Variants in TBX1 observed in about 807,000 individuals in gnomAD.
TBX1 encodes T-box transcription factor 1, also known as T-box transcription factor TBX1.
In TBX1, 16 loss-of-function variants were observed where a neutral mutation model predicts 40.8. That is an observed-to-expected ratio of 0.39 (90% CI 0.27 to 0.60). The LOEUF (loss-of-function observed/expected upper bound fraction) is 0.60. Ranked by LOEUF, TBX1 falls within the 20% of genes least tolerant of loss-of-function variation. TBX1 has a pLI of 0.51. For synonymous variants in TBX1, 403 were observed against 336.8 expected, an observed-to-expected ratio of 1.20 and a Z score of -2.15; for missense variants, 755 against 728.5, an observed-to-expected ratio of 1.04 and a Z score of -0.42.
intron 6 of TBX1, 122 bp downstream of exon 6, chr22:19,766,124 C>A (rs72646964): frequency 1.3e-5 from 12 of 906,128 alleles, no homozygotes; most frequent in Non-Finnish European, 1.7e-5. Context: ...GGTTGCACAA[C>A]GGCCGCGGCG....
chr22:19,759,968 G>A (rs907808508), upstream of TBX1, among the ~76,000 whole-genome samples: 2 of 152,216 alleles, frequency 1.3e-5, no homozygotes, highest in African/African-American at 4.8e-5. Context: ...AGAGGGGGGA[G>A]GAAAGTTAAT....
upstream of TBX1, chr22:19,759,637 G>T: frequency 6.2e-7 from 1 of 1,612,264 alleles, no homozygotes; most frequent in Admixed American, 1.7e-5. Context: ...CAGGATCCCC[G>T]GCAGGGATGC....
At chr22:19,759,758 G>A, upstream of TBX1, 1 of 1,509,440 alleles carries the variant, frequency 6.6e-7, no homozygotes, top group South Asian at 1.2e-5. Context: ...GTGCAAAGTA[G>A]GTGGAGGCAG....
At chr22:19,759,311 C>T (rs1208851034), upstream of TBX1, among the ~76,000 whole-genome samples, 1 of 152,246 alleles carries the variant, frequency 6.6e-6, no homozygotes, top group Non-Finnish European at 1.5e-5. Context: ...CGTCTGGGCC[C>T]CTCGGCTGCT....
chr22:19,776,667 T>C (rs1669346503), intron 8 of TBX1, among the ~76,000 whole-genome samples: 1 of 152,086 alleles, frequency 6.6e-6, no homozygotes, highest in Non-Finnish European at 1.5e-5. Flanking sequence ...TGGGCAAGAC[T>C]TCAAGAGAGC....
At chr22:19,781,439 T>C (rs1292198709), downstream of TBX1, among the ~76,000 whole-genome samples, 2 of 152,166 alleles carry the variant, frequency 1.3e-5, no homozygotes, top group Non-Finnish European at 2.9e-5. Context: ...ATATTGTGGA[T>C]ATTAATCCCT....
chr22:19,767,089 G>T lies in TBX1; in HGVS notation c.*222G>T. Reference sequence around the variant, plus strand: ...TCCCCAGTCCCTGGAGCCACCGCGGGTCCTTCCCCGGCCCCGAGGGCCAAG... The same window carrying T: ...TCCCCAGTCCCTGGAGCCACCGCGGTTCCTTCCCCGGCCCCGAGGGCCAAG... On this transcript the variant is annotated 3_prime_UTR_variant, in exon 7 of 7. Transcript: ENST00000649276. 3.2e-6 allele frequency: 4 copies of T among 1,266,098 alleles called. No homozygotes were observed. The highest frequency in any genetic ancestry group is 4.0e-6 in the Non-Finnish European group (4 of 1,008,650). 78.4% of individuals were successfully genotyped at this position (1,266,098 alleles called of 1,614,324 possible). A position where few individuals can be genotyped will look rare whatever the true frequency, so the allele number is the denominator to read the frequency against.
At chr22:19,770,110 T>A (rs1936963917), downstream of TBX1, among the ~76,000 whole-genome samples, 1 of 152,058 alleles carries the variant, frequency 6.6e-6, no homozygotes. Flanking sequence ...TCCTCCAGGT[T>A]CCCTAGCTGG....
chr22:19,766,429 C>A lies in TBX1; in HGVS notation c.1077C>A (p.Gly359=). Residue 359 remains glycine, a synonymous_variant, in exon 7 of 7, where the codon GGC becomes GGA. Transcript: ENST00000649276. The part of the protein sequence containing the change: ...EARREFQRDA[G]GPAVLGDPAH... ...GGCGAGAATTCCAGCGCGACGCGGG[C>A]GGGCCAGCAGTGCTCGGGGACCCGG... is the stretch of plus-strand genomic sequence containing the variant. 2 of 1,342,062 alleles carry A rather than the reference C, an allele frequency of 1.5e-6. No homozygotes were observed. Among genetic ancestry groups the A allele is most frequent in the Admixed American group, 3.2e-5 (1 of 31,546 alleles). The allele number at this position is 1,342,062 out of a possible 1,614,324, so 83.1% of individuals were successfully genotyped here. A position where few individuals can be genotyped will look rare whatever the true frequency, so the allele number is the denominator to read the frequency against.
upstream of TBX1, among the ~76,000 whole-genome samples, chr22:19,757,848 T>C (rs868053478): frequency 6.6e-6 from 1 of 152,302 alleles, no homozygotes; most frequent in Middle Eastern, 3.4e-3. Flanking sequence ...TCATTGTCAC[T>C]GTCATGGCCC....
chr22:19,776,548 G>A (rs1219727443), intron 8 of TBX1, among the ~76,000 whole-genome samples: 1 of 152,168 alleles, frequency 6.6e-6, no homozygotes, highest in African/African-American at 2.4e-5. Context: ...CCAGGGCCAG[G>A]CCTGCTTGCC....
chr22:19,766,367 C>G, intron 6 of TBX1, 22 bp from the exon 7 acceptor site: 1 of 1,263,646 alleles, frequency 7.9e-7, no homozygotes, highest in Non-Finnish European at 1.0e-6. Flanking sequence ...CGGCCGCGCT[C>G]ACTCCTCGGC....
downstream of TBX1, among the ~76,000 whole-genome samples, chr22:19,768,263 A>G (rs1270816515): frequency 6.6e-6 from 1 of 152,238 alleles, no homozygotes; most frequent in East Asian, 1.9e-4. Flanking sequence ...CCCACGTGGT[A>G]GCGGCAGCCT....
In TBX1 at chr22:19,765,948, G is replaced by A; in HGVS notation, c.982G>A (p.Ala328Thr). Residue 328 changes from alanine to threonine, a missense_variant, in exon 6 of 7, where the codon GCG (alanine) becomes ACG (threonine). Transcript: ENST00000649276. ...PGALPLMSAF[A>T]RSRNPVASPT... The stretch of plus-strand genomic sequence containing the variant: ...CGCACTGCCGCTCATGAGCGCCTTC[G>A]CGCGCTCGCGGAACCCCGTGGCTTC... The A allele has an allele frequency of 6.6e-7, 1 of 1,522,780 alleles. No homozygotes were observed. Among genetic ancestry groups the A allele is most frequent in the Non-Finnish European group, 8.8e-7 (1 of 1,138,488 alleles). 94.3% of individuals were successfully genotyped at this position (1,522,780 alleles called of 1,614,324 possible). A position where few individuals can be genotyped will look rare whatever the true frequency, so the allele number is the denominator to read the frequency against.
downstream of TBX1, chr22:19,783,024 G>A: frequency 1.0e-6 from 1 of 976,902 alleles, no homozygotes; most frequent in Non-Finnish European, 1.7e-6. Context: ...GACACTTGAA[G>A]GTACTCAGGT....
Position 19,765,659 on chromosome 22 carries a change from C to T in TBX1, c.868-99C>T. 3.0e-6 allele frequency: 4 copies of T among 1,353,376 alleles called. No homozygotes were observed. In the Admixed American group the frequency reaches 7.8e-5, roughly 26 times the overall value. The allele number at this position is 1,353,376 out of a possible 1,614,324, so 83.8% of individuals were successfully genotyped here. A position where few individuals can be genotyped will look rare whatever the true frequency, so the allele number is the denominator to read the frequency against. On this transcript the variant is annotated intron_variant, in intron 4 of 6. Transcript: ENST00000649276. Reference sequence around the variant, plus strand: ...GTTCTTGTCAGGGCAGCAGAAAGGCCCTTGGTGCGCTTCTCCTAACACTCC... The same window carrying T: ...GTTCTTGTCAGGGCAGCAGAAAGGCTCTTGGTGCGCTTCTCCTAACACTCC...
downstream of TBX1, among the ~76,000 whole-genome samples, chr22:19,782,474 T>C (rs1937151508): frequency 6.6e-6 from 1 of 152,242 alleles, no homozygotes; most frequent in African/African-American, 2.4e-5. Flanking sequence ...ATCTTTTGTA[T>C]TTGCTTTCAG....
chr22:19,759,415 C>T (rs1336804472), upstream of TBX1: 6 of 1,284,066 alleles, frequency 4.7e-6, no homozygotes, highest in African/African-American at 4.8e-5. Context: ...CCCCGGACTC[C>T]GTGGGCTGGG....
downstream of TBX1, among the ~76,000 whole-genome samples, chr22:19,767,485 G>A (rs1936904700): frequency 6.6e-6 from 1 of 152,112 alleles, no homozygotes. Context: ...CGCCCTGTCC[G>A]CCACGCCTCC....
Sources: allele counts gnomAD v4.1 joint callset (sites outside exome capture counted in the v4.1 genomes callset), GRCh38; gene constraint gnomAD v4.1.1; transcripts MANE v1.5; gene names NCBI Gene and HGNC (gene_info 2026-07-23, HGNC 2026-07-21).